MAP3K15: variants seen among roughly 807,000 people sequenced by gnomAD.
MAP3K15 encodes mitogen-activated protein kinase kinase kinase 15, also known as MAPK/ERK kinase kinase 15.
Under a neutral mutation model 99.5 loss-of-function variants are expected in MAP3K15, and 124 were observed. That is an observed-to-expected ratio of 1.25 (90% CI 1.08 to 1.45). The LOEUF (loss-of-function observed/expected upper bound fraction) is 1.45, where lower values mean the gene tolerates loss of function less well. Ranked by LOEUF, MAP3K15 falls within the 40% of genes most tolerant of loss-of-function variation. MAP3K15 has a pLI of 0.00. For missense variants in MAP3K15, 1,242 were observed against 1,079.7 expected (o/e 1.15, Z -2.11); for synonymous variants, 494 against 439.6 (o/e 1.12, Z -1.55).
chrX:19,361,163 C>CTAT (rs1199313702), intron 28 of MAP3K15, 176 bp downstream of exon 28: 2 of 438,835 alleles, frequency 4.6e-6, no homozygotes, highest in African/African-American at 4.9e-5. Context: ...TGTCACATTC[C>CTAT]TATTTCTGAC....
Position 19,392,080 on chromosome X carries a change from T to C in MAP3K15, c.2353A>G (p.Ser785Gly). The change falls in exon 18 of 29, where the codon AGC (serine) becomes GGC (glycine). Residue 785 changes from serine (S) to glycine (G), a missense_variant. Transcript: ENST00000338883. ...KGDNVLVNTY[S>G]GVVKISDFGT... ...AAATCGGAGATTTTCACCACTCCGC[T>C]GTAGGTGTTCACCAGAACATTATCG... 8.3e-7 allele frequency: 1 copy of C among 1,210,572 alleles called. No individual in the cohort carries two copies. Among genetic ancestry groups the C allele is most frequent in the Non-Finnish European group, 1.1e-6 (1 of 894,244 alleles).
chrX:19,431,615 G>A lies in MAP3K15; in HGVS notation c.996-7C>T, dbSNP rs747984427. On this transcript the variant is annotated splice_polypyrimidine_tract_variant and splice_region_variant and intron_variant, in intron 6 of 28. Transcript: ENST00000338883. ...GTCACCTGTGCTGTTTCTCCTGAAA[G>A]ATAGATGTTATAAGGTCACAAATGA... The A allele has an allele frequency of 5.0e-6, 6 of 1,191,476 alleles. No homozygotes were observed. The highest frequency in any genetic ancestry group is 4.4e-5 in the Admixed American group (2 of 45,354).
intron 26 of MAP3K15, among the ~76,000 whole-genome samples, 162 bp downstream of exon 26, chrX:19,362,576 A>T (rs2063300121): frequency 9.0e-6 from 1 of 111,224 alleles, no homozygotes; most frequent in African/African-American, 3.3e-5. Flanking sequence ...TTTACAATGC[A>T]GCCATGTTGT....
chrX:19,423,751 C>G (rs1423686730), intron 9 of MAP3K15, among the ~76,000 whole-genome samples: 1 of 111,680 alleles, frequency 9.0e-6, no homozygotes, highest in Non-Finnish European at 1.9e-5. Flanking sequence ...AAGAGCATCT[C>G]TGTTTATCTG....
At position 19,464,278 on chromosome X, in the gene MAP3K15, G is replaced by A. The variant is rs1316548881; in HGVS notation, c.654C>T (p.Gly218=). 2.5e-6 allele frequency: 3 copies of A among 1,197,910 alleles called. No individual in the cohort carries two copies. The highest frequency in any genetic ancestry group is 1.8e-5 in the African/African-American group (1 of 56,909). ...TGTCCACCAAAGGCATGCACAGCGG[G>A]CCCAGGATGTTGTCCCAGTTGGGCT... ...YMQPNWDNIL[G]PLCMPLVDRF... Residue 218 remains glycine, a synonymous_variant, in exon 4 of 29, where the codon GGC becomes GGT. Transcript: ENST00000338883.
chrX:19,467,402 G>A (rs2064176054), intron 3 of MAP3K15, among the ~76,000 whole-genome samples: 1 of 110,829 alleles, frequency 9.0e-6, no homozygotes, highest in African/African-American at 3.3e-5. Flanking sequence ...CCAGGCAAGT[G>A]TGGTCAAGAT....
intron 20 of MAP3K15, among the ~76,000 whole-genome samples, 193 bp from the exon 21 acceptor site, chrX:19,373,888 GAGCA>G (rs1210519347): frequency 2.7e-5 from 3 of 111,228 alleles, no homozygotes; most frequent in African/African-American, 9.8e-5. Flanking sequence ...GTCCCTCATG[GAGCA>G]AGTTGCTGAG....
intron 10 of MAP3K15, among the ~76,000 whole-genome samples, chrX:19,414,796 C>G (rs890672954): frequency 9.0e-6 from 1 of 111,708 alleles, no homozygotes; most frequent in African/African-American, 3.3e-5. Context: ...TCCCTGGTCT[C>G]TATCCAGCAG....
intron 24 of MAP3K15, 70 bp from the exon 25 acceptor site, chrX:19,369,289 A>C: frequency 1.7e-6 from 2 of 1,157,161 alleles, no homozygotes; most frequent in African/African-American, 3.5e-5. Context: ...GCAGACACCC[A>C]GGTCAGCAAA....
intron 6 of MAP3K15, among the ~76,000 whole-genome samples, chrX:19,433,295 T>A (rs1356309119): frequency 1.8e-5 from 2 of 111,592 alleles, no homozygotes; most frequent in Non-Finnish European, 3.8e-5. Flanking sequence ...TGGATAAGAT[T>A]AGCATCTGAA....
At chrX:19,497,195 T>C (rs2064410421) in intron 1 of MAP3K15, 2 of 104,847 alleles carry the variant, frequency 1.9e-5, no homozygotes, top group Admixed American at 2.1e-4. Flanking sequence ...GGAATCTCAC[T>C]CTGTTGCCCA....
At chrX:19,425,924 G>T (rs1291005909) in intron 8 of MAP3K15, among the ~76,000 whole-genome samples, 1 of 111,127 alleles carries the variant, frequency 9.0e-6, no homozygotes, top group African/African-American at 3.3e-5. Context: ...TTCGAGACCA[G>T]CCTGTCCACC....
At chrX:19,384,769 A>C (rs758271410) in intron 18 of MAP3K15, among the ~76,000 whole-genome samples, 1,246 of 105,061 alleles carry the variant, frequency 0.012, 34 homozygotes, top group African/African-American at 0.04. Flanking sequence ...AAAAAAAAAA[A>C]AAAAAAAAAA....
chrX:19,384,607 G>A (rs967998690), intron 18 of MAP3K15, among the ~76,000 whole-genome samples: 16 of 107,963 alleles, frequency 1.5e-4, no homozygotes, highest in African/African-American at 5.4e-4. Flanking sequence ...GTCAGGGTTG[G>A]TGGTGTGCAC....
chrX:19,510,325 G>A (rs1252567872), intron 1 of MAP3K15, among the ~76,000 whole-genome samples: 2 of 112,053 alleles, frequency 1.8e-5, no homozygotes, highest in African/African-American at 3.2e-5. Flanking sequence ...GAATCCAGCA[G>A]CACATCAAAA....
intron 13 of MAP3K15, among the ~76,000 whole-genome samples, chrX:19,403,205 A>C (rs989135794): frequency 2.7e-5 from 3 of 111,170 alleles, no homozygotes; most frequent in African/African-American, 9.8e-5. Flanking sequence ...ACTTAAGTGC[A>C]CATTACAAAC....
At chrX:19,445,895 T>C (rs936871056) in intron 6 of MAP3K15, among the ~76,000 whole-genome samples, 1 of 109,348 alleles carries the variant, frequency 9.1e-6, no homozygotes, top group Admixed American at 9.9e-5. Flanking sequence ...TGCAGTGAGC[T>C]GAGATCATGC....
chrX:19,378,851 A>T (rs1321066611), intron 19 of MAP3K15, among the ~76,000 whole-genome samples: 1 of 111,138 alleles, frequency 9.0e-6, no homozygotes, highest in Admixed American at 9.6e-5. Flanking sequence ...AATCTGCACT[A>T]TGTTGGCCCC....
chrX:19,434,728 G>A (rs1371948688), intron 6 of MAP3K15, among the ~76,000 whole-genome samples: 1 of 111,872 alleles, frequency 8.9e-6, no homozygotes, highest in Admixed American at 9.5e-5. Flanking sequence ...AGGATGGTAC[G>A]TAGCCAGCCT....
Sources: allele counts gnomAD v4.1 joint callset (sites outside exome capture counted in the v4.1 genomes callset), GRCh38; gene constraint gnomAD v4.1.1; transcripts MANE v1.5; gene names NCBI Gene and HGNC (gene_info 2026-07-23, HGNC 2026-07-21).